Variants in DISP3 observed in about 807,000 individuals in gnomAD.
The protein encoded by DISP3 is dispatched RND transporter family member 3.
A neutral mutation model predicts 135.3 loss-of-function variants in DISP3; 101 were observed. The ratio of observed to expected loss-of-function variants is 0.75; its 90% confidence interval spans 0.64 to 0.88. The LOEUF (loss-of-function observed/expected upper bound fraction) is 0.88, where lower values mean the gene tolerates loss of function less well. DISP3 is among the 40% of genes least tolerant of loss of function. DISP3 has a pLI of 0.00. For missense variants in DISP3, 1,713 were observed against 1,878.6 expected (o/e 0.91, Z 1.63); for synonymous variants, 856 against 817.0 (o/e 1.05, Z -0.81).
chr1:11,533,861 A>T (rs1338779761), intron 17 of DISP3: 1 of 717,618 alleles, frequency 1.4e-6, no homozygotes, highest in East Asian at 2.7e-5. Flanking sequence ...ATCATCCATG[A>T]GCACCTCTCG....
intron 11 of DISP3, 54 bp downstream of exon 11, chr1:11,524,109 G>C: frequency 7.6e-7 from 1 of 1,312,758 alleles, no homozygotes; most frequent in Non-Finnish European, 1.1e-6. Flanking sequence ...AGGGTTGAAG[G>C]CCCTGTAAGG....
chr1:11,496,931 G>A (rs1452361302), intron 1 of DISP3, among the ~76,000 whole-genome samples: 3 of 152,232 alleles, frequency 2.0e-5, no homozygotes, highest in African/African-American at 4.8e-5. Context: ...CTGGTGGCTG[G>A]GCCAGGCCTG....
intron 13 of DISP3, among the ~76,000 whole-genome samples, chr1:11,527,182 G>C (rs1642445060): frequency 6.6e-6 from 1 of 152,016 alleles, no homozygotes; most frequent in Admixed American, 6.5e-5. Flanking sequence ...TGATTCACCT[G>C]CCTTGGCCTC....
At chr1:11,498,688 T>C (rs1032330789) in intron 1 of DISP3, among the ~76,000 whole-genome samples, 3 of 152,066 alleles carry the variant, frequency 2.0e-5, no homozygotes, top group Non-Finnish European at 4.4e-5. Context: ...CTGTTAGGGG[T>C]TCCAGCCTTT....
chr1:11,491,930 G>A lies in DISP3; in HGVS notation c.-3-9060G>A, dbSNP rs534040657. Among the ~76,000 whole-genome samples the A allele has an allele frequency of 1.3e-5, 2 of 151,338 alleles. No homozygotes were observed. The highest frequency in any genetic ancestry group is 2.0e-4 in the East Asian group (1 of 5,124). ...GAGGTCAGGAGATCGAGACCATCCC[G>A]GCTAAAACGGTGAAACCCCGTCTCT... On this transcript the variant is annotated intron_variant, in intron 1 of 20. Coordinates refer to ENST00000294484, the MANE Select transcript of DISP3 (RefSeq NM_020780.2). This position sits in a 1 kb window ranked among gnomAD's most constrained non-coding sequence, Gnocchi z 4.3.
Position 11,535,578 on chromosome 1 carries a change from T to C in DISP3, c.3750T>C (p.Asp1250=). The C allele has an allele frequency of 6.2e-7, 1 of 1,613,438 alleles. No homozygotes were observed. Among genetic ancestry groups the C allele is most frequent in the Non-Finnish European group, 8.5e-7 (1 of 1,179,900 alleles). ...SLSILVGSSV[D]YCVHLVEGYL... Reference sequence around the variant, plus strand: ...CCATCCTCGTTGGCTCCTCCGTGGATTACTGCGTCCACCTGGTCGAGGGCT... The same window carrying C: ...CCATCCTCGTTGGCTCCTCCGTGGACTACTGCGTCCACCTGGTCGAGGGCT... Residue 1250 remains aspartate (D), a synonymous_variant, in exon 20 of 21, where the codon GAT becomes GAC. Transcript: ENST00000294484.
At chr1:11,489,311 T>G (rs1469284041) in intron 1 of DISP3, among the ~76,000 whole-genome samples, 3 of 152,192 alleles carry the variant, frequency 2.0e-5, no homozygotes, top group Non-Finnish European at 4.4e-5. Context: ...TTGCAACATC[T>G]CTGGACCCAC....
At chr1:11,534,605 G>A in intron 18 of DISP3, 65 bp downstream of exon 18, 1 of 1,533,656 alleles carries the variant, frequency 6.5e-7, no homozygotes, top group Admixed American at 2.0e-5. Context: ...GGGCCGGGAG[G>A]GCACAGAGCG....
At chr1:11,505,949 G>A (rs942704960) in intron 3 of DISP3, among the ~76,000 whole-genome samples, 1 of 152,156 alleles carries the variant, frequency 6.6e-6, no homozygotes, top group African/African-American at 2.4e-5. Context: ...GTTTGCTGGT[G>A]ATAAATTCTC....
chr1:11,536,704 A>C lies in DISP3; in HGVS notation c.*18A>C. ...CCCTATAGCCCGGGACGGGCTCTGG[A>C]CACTTGCACCTTTGGTCCCATGGGT... On this transcript the variant is annotated 3_prime_UTR_variant, in exon 21 of 21. Coordinates refer to ENST00000294484, the MANE Select transcript of DISP3 (RefSeq NM_020780.2). The surrounding 1 kb of genome is among the most constrained non-coding windows in gnomAD (Gnocchi z 4.3). 1 of 1,520,636 alleles carries C rather than the reference A, an allele frequency of 6.6e-7. No individual in the cohort carries two copies. Among genetic ancestry groups the C allele is most frequent in the Non-Finnish European group, 8.8e-7 (1 of 1,135,776 alleles). 94.2% of individuals were successfully genotyped at this position (1,520,636 alleles called of 1,614,324 possible). A position where few individuals can be genotyped will look rare whatever the true frequency, so the allele number is the denominator to read the frequency against.
At position 11,529,758 on chromosome 1, in the gene DISP3, C is replaced by A. The variant is rs1309975028; in HGVS notation, c.2930-29C>A. The A allele has an allele frequency of 1.2e-6, 2 of 1,605,596 alleles. No individual in the cohort carries two copies. Among genetic ancestry groups the A allele is most frequent in the Non-Finnish European group, 1.7e-6 (2 of 1,173,946 alleles). ...GGGCTCAGGAGCTGGACCCTGCCTTCCCTTACAGCTGTGACTCCCTGTTCG... is the reference window on the plus strand; with the variant it reads ...GGGCTCAGGAGCTGGACCCTGCCTTACCTTACAGCTGTGACTCCCTGTTCG... On this transcript the variant is annotated intron_variant, in intron 14 of 20. Transcript: ENST00000294484. This position sits in a 1 kb window ranked among gnomAD's most constrained non-coding sequence, Gnocchi z 4.7.
Position 11,529,500 on chromosome 1 carries a change from T to C in DISP3, c.2799-56T>C. On this transcript the variant is annotated intron_variant, in intron 13 of 20. Transcript: ENST00000294484. This position sits in a 1 kb window ranked among gnomAD's most constrained non-coding sequence, Gnocchi z 4.7. ...CCAACCCTGGCCTGCTGGCCTCACC[T>C]CCCCTGACTCCTCCTAGCCTTTCCG... The C allele has an allele frequency of 6.6e-7, 1 of 1,514,132 alleles. No homozygotes were observed. The highest frequency in any genetic ancestry group is 8.9e-7 in the Non-Finnish European group (1 of 1,128,438). 93.8% of individuals were successfully genotyped at this position (1,514,132 alleles called of 1,614,324 possible).
At chr1:11,524,986 CCCA>C (rs1376256936) in intron 11 of DISP3, among the ~76,000 whole-genome samples, 187 bp from the exon 12 acceptor site, 12 of 149,004 alleles carry the variant, frequency 8.1e-5, no homozygotes, top group Admixed American at 6.0e-4. Context: ...CCATCCTGTG[CCCA>C]CCACCTCCCC....
chr1:11,509,335 A>G (rs896256646), intron 3 of DISP3, among the ~76,000 whole-genome samples: 14 of 151,726 alleles, frequency 9.2e-5, no homozygotes, highest in African/African-American at 3.4e-4. Flanking sequence ...TTCTTGCTGA[A>G]TGTTCCCTGT....
At chr1:11,527,071 C>T (rs1642442804) in intron 13 of DISP3, among the ~76,000 whole-genome samples, 1 of 152,058 alleles carries the variant, frequency 6.6e-6, no homozygotes, top group South Asian at 2.1e-4. Flanking sequence ...GCTGGGATTA[C>T]AGACATGCAC....
At position 11,536,224 on chromosome 1, in the gene DISP3, A is replaced by G; in HGVS notation, c.3817-100A>G. 1.4e-6 allele frequency: 2 copies of G among 1,468,214 alleles called. No individual in the cohort carries two copies. Among genetic ancestry groups the G allele is most frequent in the Non-Finnish European group, 9.0e-7 (1 of 1,111,772 alleles). The allele number at this position is 1,468,214 out of a possible 1,614,324, so 90.9% of individuals were successfully genotyped here. A position where few individuals can be genotyped will look rare whatever the true frequency, so the allele number is the denominator to read the frequency against. On this transcript the variant is annotated intron_variant, in intron 20 of 20. Coordinates refer to ENST00000294484, the MANE Select transcript of DISP3 (RefSeq NM_020780.2). The surrounding 1 kb of genome is among the most constrained non-coding windows in gnomAD (Gnocchi z 4.3). ...CTTGCAGCTCTCATCCCAGTAACAG[A>G]GCAGGAACCTGGCGTGGGGTGGGGG...
At chr1:11,505,877 G>A (rs910578397) in intron 3 of DISP3, among the ~76,000 whole-genome samples, 1 of 152,064 alleles carries the variant, frequency 6.6e-6, no homozygotes, top group Non-Finnish European at 1.5e-5. Flanking sequence ...ATAATTTCAT[G>A]TTTCCCTCTG....
At position 11,501,545 on chromosome 1, in the gene DISP3, C is replaced by A. The variant is rs1182826648; in HGVS notation, c.553C>A (p.Pro185Thr). 2 of 1,592,778 alleles carry A rather than the reference C, an allele frequency of 1.3e-6. No homozygotes were observed. Among genetic ancestry groups the A allele is most frequent in the South Asian group, 1.1e-5 (1 of 88,766 alleles). ...CGCGGCCTCACTCGGTGGCCCAGGCCCTTACCGGGACACTTCCGCGGCTCA... is the reference window on the plus strand; with the variant it reads ...CGCGGCCTCACTCGGTGGCCCAGGCACTTACCGGGACACTTCCGCGGCTCA... Reference protein sequence around the residue: ...IPAASLGGPGPYRDTSAAQKP... With the variant: ...IPAASLGGPGTYRDTSAAQKP... Residue 185 changes from proline to threonine, a missense_variant, in exon 2 of 21, where the codon CCT (proline) becomes ACT (threonine). Coordinates refer to ENST00000294484, the MANE Select transcript of DISP3 (RefSeq NM_020780.2). This position sits in a 1 kb window ranked among gnomAD's most constrained non-coding sequence, Gnocchi z 4.9.
At chr1:11,480,683 AC>A in intron 1 of DISP3, among the ~76,000 whole-genome samples, 1 of 61,246 alleles carries the variant, frequency 1.6e-5, no homozygotes, top group South Asian at 7.1e-4. Context: ...GCGTGCACAC[AC>A]ACACACACAC....
Sources: gnomAD v4.1 joint callset for allele counts (sites outside exome capture counted in the v4.1 genomes callset) on GRCh38, gnomAD v4.1.1 for gene constraint, Gnocchi (gnomAD v3.1) non-coding constraint, MANE v1.5 for transcripts, NCBI Gene and HGNC (gene_info 2026-07-23, HGNC 2026-07-21) for gene names.